MALT1: variants seen among roughly 807,000 people sequenced by gnomAD.
MALT1 encodes the protein MALT1 paracaspase.
A neutral mutation model predicts 85.5 loss-of-function variants in MALT1; 36 were observed. The ratio of observed to expected loss-of-function variants is 0.42; its 90% CI spans 0.32 to 0.56. The LOEUF is 0.56. Among genes scored for constraint, MALT1 ranks in the 20% least tolerant of loss-of-function variants. The pLI, the probability that MALT1 is intolerant of heterozygous loss-of-function variation, is 0.10. For missense variants in MALT1, 716 were observed against 981.6 expected (o/e 0.73, Z 3.62); for synonymous variants, 359 against 361.3 (o/e 0.99, Z 0.07).
At chr18:58,718,283 G>A (rs1012008397) in intron 9 of MALT1, among the ~76,000 whole-genome samples, 3 of 152,118 alleles carry the variant, frequency 2.0e-5, no homozygotes, top group African/African-American at 7.2e-5. Context: ...GGAATATCAG[G>A]TCAACTTCTA....
In MALT1 at chr18:58,750,912, C is replaced by A. The variant is rs1444340737; in HGVS notation, c.*3070C>A. The A allele has an allele frequency of 1.3e-5, 2 of 152,090 alleles. No individual in the cohort carries two copies. Among genetic ancestry groups the A allele is most frequent in the Non-Finnish European group, 2.9e-5 (2 of 68,012 alleles). 9.4% of individuals were successfully genotyped at this position (152,090 alleles called of 1,614,324 possible). On this transcript the variant is annotated 3_prime_UTR_variant, in exon 17 of 17. Transcript: ENST00000649217. ...ATTAACTTTAGCGCCTTAAAGGACA[C>A]CATTAAGAAAGTGAAGTTAACCCTC...
intron 1 of MALT1, among the ~76,000 whole-genome samples, chr18:58,674,519 G>A (rs1201136786): frequency 6.6e-6 from 1 of 152,150 alleles, no homozygotes; most frequent in Non-Finnish European, 1.5e-5. Context: ...ATTTGGGAAC[G>A]TTAAGCTCAT....
chr18:58,741,613 A>T, intron 13 of MALT1: 1 of 272,592 alleles, frequency 3.7e-6, no homozygotes, highest in Non-Finnish European at 6.9e-6. Flanking sequence ...ACAAAGACAT[A>T]CATAGAACAT....
At chr18:58,692,181 C>T (rs934857757) in intron 2 of MALT1, 15 of 152,184 alleles carry the variant, frequency 9.9e-5, no homozygotes, top group African/African-American at 2.9e-4. Context: ...TTCTGAGGCC[C>T]GAAACCCACC....
At position 58,683,950 on chromosome 18, in the gene MALT1, G is replaced by A. The variant is rs189416575; in HGVS notation, c.376+2614G>A. On this transcript the variant is annotated intron_variant, in intron 2 of 16. Coordinates refer to ENST00000649217, the MANE Select transcript of MALT1 (RefSeq NM_006785.4). The stretch of plus-strand genomic sequence containing the variant: ...TTATTTTGTTTTTTAAATTTTTTGT[G>A]ATAAAGGGTCTTGCTCTGTCTCCCA... 1.1e-3 allele frequency among the ~76,000 whole-genome samples: 165 copies of A among 152,232 alleles called. 1 individual carries two copies. Among genetic ancestry groups the A allele is most frequent in the Admixed American group, 0.011 (163 of 15,294 alleles).
intron 13 of MALT1, 151 bp from the exon 14 acceptor site, chr18:58,741,714 C>T (rs1205821404): frequency 4.4e-6 from 2 of 453,224 alleles, no homozygotes; most frequent in East Asian, 6.3e-5. Context: ...CCTGATATGT[C>T]TGGCACATAA....
At chr18:58,681,070 C>A in intron 1 of MALT1, 100 bp from the exon 2 acceptor site, 1 of 977,040 alleles carries the variant, frequency 1.0e-6, no homozygotes, top group Non-Finnish European at 1.5e-6. Context: ...CACCCACTCA[C>A]TTGTGATTTA....
chr18:58,745,588 A>T, intron 15 of MALT1, 78 bp from the exon 16 acceptor site: 1 of 1,298,868 alleles, frequency 7.7e-7, no homozygotes. Flanking sequence ...AGTATCAGTT[A>T]AGATGTCTTA....
intron 5 of MALT1, 62 bp from the exon 6 acceptor site, chr18:58,709,914 A>ATTTTTTT: frequency 9.1e-7 from 1 of 1,094,312 alleles, no homozygotes; most frequent in Admixed American, 2.1e-5. Flanking sequence ...ACACAAAATG[A>ATTTTTTT]TTTTTTCTCC....
At chr18:58,691,249 C>CT (rs2054494078) in intron 2 of MALT1, 1 of 402,542 alleles carries the variant, frequency 2.5e-6, no homozygotes, top group African/African-American at 2.2e-5. Flanking sequence ...GAGGGCTATC[C>CT]TTACCCCTAT....
chr18:58,702,739 C>T (rs1395854310), intron 4 of MALT1, among the ~76,000 whole-genome samples: 1 of 152,186 alleles, frequency 6.6e-6, no homozygotes, highest in Non-Finnish European at 1.5e-5. Flanking sequence ...GCGTTGATGT[C>T]AGCACTAAAG....
rs1416173744 is a variant in MALT1 at position 58,677,912 on chromosome 18, G to A, written c.210-3258G>A. Among the ~76,000 whole-genome samples the A allele has an allele frequency of 2.0e-5, 3 of 152,052 alleles. No homozygotes were observed. In the East Asian group the frequency reaches 5.8e-4, roughly 29 times the overall value. ...ACATTTTCAGGTTACCAAAATAATA[G>A]TTACTCAAAAAAATGTTTAAGGAAA... On this transcript the variant is annotated intron_variant, in intron 1 of 16. Coordinates refer to ENST00000649217, the MANE Select transcript of MALT1 (RefSeq NM_006785.4).
chr18:58,683,300 A>G (rs8087922), intron 2 of MALT1, among the ~76,000 whole-genome samples: 26,283 of 152,220 alleles, frequency 0.17, 2,639 homozygotes, highest in African/African-American at 0.27. Flanking sequence ...AAGTAAATAT[A>G]ACATGTATTT....
intron 12 of MALT1, among the ~76,000 whole-genome samples, chr18:58,734,872 T>C (rs557435352): frequency 1.4e-4 from 21 of 152,370 alleles, no homozygotes; most frequent in South Asian, 4.1e-4. Context: ...ACATTTTCTT[T>C]TTAAAAAATT....
chr18:58,674,509 A>C (rs544983125), intron 1 of MALT1, among the ~76,000 whole-genome samples: 16 of 152,172 alleles, frequency 1.1e-4, no homozygotes, highest in Non-Finnish European at 2.2e-4. Context: ...GGGTTGGAGA[A>C]TTTGGGAACG....
At chr18:58,745,918 A>G in intron 16 of MALT1, 127 bp downstream of exon 16, 1 of 771,944 alleles carries the variant, frequency 1.3e-6, no homozygotes, top group Non-Finnish European at 2.0e-6. Context: ...AGAAGGTCCT[A>G]TCAGTGACCC....
chr18:58,727,773 T>A (rs1257321378), intron 10 of MALT1, among the ~76,000 whole-genome samples: 3 of 152,164 alleles, frequency 2.0e-5, no homozygotes, highest in African/African-American at 7.2e-5. Flanking sequence ...GACAGTATCA[T>A]ATAGCACAGT....
intron 16 of MALT1, among the ~76,000 whole-genome samples, 194 bp downstream of exon 16, chr18:58,745,985 G>T (rs4940749): frequency 0.18 from 26,133 of 146,524 alleles, 2,856 homozygotes; most frequent in African/African-American, 0.31. Context: ...TTACCCTCCA[G>T]AATGCTAAAA....
chr18:58,705,378 G>A (rs1027763831), intron 4 of MALT1, among the ~76,000 whole-genome samples: 1 of 150,852 alleles, frequency 6.6e-6, no homozygotes, highest in African/African-American at 2.4e-5. Context: ...CATTGCGCAG[G>A]TTAGTTACAT....
Sources: allele counts gnomAD v4.1 joint callset (sites outside exome capture counted in the v4.1 genomes callset), GRCh38; gene constraint gnomAD v4.1.1; transcripts MANE v1.5; gene names NCBI Gene and HGNC (gene_info 2026-07-23, HGNC 2026-07-21).